The following KCTD5 variants were observed in gnomAD, a reference collection of about 807,000 sequenced individuals.
The protein encoded by KCTD5 is BTB/POZ domain-containing protein KCTD5.
In KCTD5, 12 loss-of-function variants were observed where a neutral mutation model predicts 27.9. The ratio of observed to expected loss-of-function variants is 0.43; its 90% CI spans 0.28 to 0.70. The LOEUF is 0.70. Ranked by LOEUF, KCTD5 falls within the 30% of genes least tolerant of loss-of-function variation. The pLI, the probability that KCTD5 is intolerant of heterozygous loss-of-function variation, is 0.19. For synonymous variants in KCTD5, 147 were observed against 121.4 expected, an observed-to-expected ratio of 1.21 and a Z score of -1.39; for missense variants, 226 against 274.8, an observed-to-expected ratio of 0.82 and a Z score of 1.26.
chr16:2,682,755 C>T lies in KCTD5; in HGVS notation c.207C>T (p.Phe69=), dbSNP rs1054059554. 14 of 1,607,626 alleles carry T rather than the reference C, an allele frequency of 8.7e-6. No individual in the cohort carries two copies. In the Admixed American group the frequency reaches 1.5e-4, roughly 17 times the overall value. The stretch of plus-strand genomic sequence containing the variant: ...CCCTGTGCCGGGACCCGAAATCCTT[C>T]CTGTACCGCTTATGCCAGGCCGATC... ...RQTLCRDPKS[F]LYRLCQADPD... Residue 69 remains phenylalanine, a synonymous_variant, in exon 1 of 6, where the codon TTC becomes TTT. Transcript: ENST00000301738.
intron 5 of KCTD5, 29 bp downstream of exon 5, chr16:2,702,507 G>GC: frequency 3.1e-6 from 5 of 1,609,516 alleles, no homozygotes; most frequent in Non-Finnish European, 3.4e-6. Context: ...CTGGCCTGGG[G>GC]CAGTCTTGGG....
rs1003568809 is a variant in KCTD5, at chr16:2,707,715, C to A, written c.*388C>A. The A allele has an allele frequency of 1.4e-5, 7 of 497,288 alleles. No individual in the cohort carries two copies. The highest frequency in any genetic ancestry group is 1.4e-4 in the African/African-American group (7 of 51,644). 30.8% of individuals were successfully genotyped at this position (497,288 alleles called of 1,614,324 possible). On this transcript the variant is annotated 3_prime_UTR_variant, in exon 6 of 6. Transcript: ENST00000301738. Reference sequence around the variant, plus strand: ...CCTGGGCTTCACTGGCAGGAAGCGGCCGCAGCCGCGTCAGTGTCCAGCACG... The same window carrying A: ...CCTGGGCTTCACTGGCAGGAAGCGGACGCAGCCGCGTCAGTGTCCAGCACG...
intron 1 of KCTD5, among the ~76,000 whole-genome samples, chr16:2,687,241 C>T (rs1409132230): frequency 5.3e-5 from 8 of 152,152 alleles, no homozygotes; most frequent in South Asian, 4.1e-4. Flanking sequence ...TGAAATGGAA[C>T]GTTTCTGATG....
chr16:2,702,167 C>T (rs112637150), intron 4 of KCTD5, among the ~76,000 whole-genome samples, 186 bp from the exon 5 acceptor site: 1,714 of 152,302 alleles, frequency 0.011, 49 homozygotes, highest in Admixed American at 0.075. Context: ...CATGCCACGG[C>T]GTGGGGTGCC....
intron 5 of KCTD5, among the ~76,000 whole-genome samples, chr16:2,702,736 C>G (rs941860382): frequency 5.3e-5 from 8 of 152,178 alleles, no homozygotes; most frequent in Non-Finnish European, 8.8e-5. Context: ...GGGCCATGCT[C>G]TTAGGAATGC....
chr16:2,696,722 G>T (rs1177903693), intron 2 of KCTD5, among the ~76,000 whole-genome samples: 1 of 152,236 alleles, frequency 6.6e-6, no homozygotes, highest in South Asian at 2.1e-4. Flanking sequence ...GTCTGACTCC[G>T]TTTCTGTTCT....
chr16:2,682,967 C>G, intron 1 of KCTD5, 167 bp downstream of exon 1: 1 of 790,520 alleles, frequency 1.3e-6, no homozygotes, highest in South Asian at 2.3e-5. Flanking sequence ...TGCCCCGATC[C>G]CCTACCCTGG....
At chr16:2,689,963 A>G (rs2067558113) in intron 1 of KCTD5, among the ~76,000 whole-genome samples, 1 of 152,242 alleles carries the variant, frequency 6.6e-6, no homozygotes, top group Admixed American at 6.5e-5. Flanking sequence ...GGCGTAAGCC[A>G]CTGTGCCCAG....
intron 1 of KCTD5, among the ~76,000 whole-genome samples, chr16:2,685,122 C>G (rs1211847066): frequency 6.6e-6 from 1 of 152,160 alleles, no homozygotes; most frequent in East Asian, 1.9e-4. Context: ...TCGTCTCTGT[C>G]TCATACAATA....
At chr16:2,700,058 C>T in intron 4 of KCTD5, 142 bp downstream of exon 4, 1 of 731,524 alleles carries the variant, frequency 1.4e-6, no homozygotes. Flanking sequence ...CGGCAGCGAC[C>T]TGTGCCCTGT....
intron 1 of KCTD5, among the ~76,000 whole-genome samples, chr16:2,690,822 C>T (rs2067563203): frequency 6.6e-6 from 1 of 152,276 alleles, no homozygotes; most frequent in Admixed American, 6.5e-5. Context: ...CCGAGGTGAC[C>T]TTGCTGCCTT....
chr16:2,706,601 T>C lies in KCTD5; in HGVS notation c.676-697T>C, dbSNP rs1025276975. Among the ~76,000 whole-genome samples the C allele has an allele frequency of 9.3e-5, 14 of 150,766 alleles. 1 individual carries two copies. The Middle Eastern group carries it at 0.017, about 184-fold the overall frequency. On this transcript the variant is annotated intron_variant, in intron 5 of 5. Transcript: ENST00000301738. ...CGACTTGGGGGTGGCCTCAGGGGGT[T>C]CCTGGACACTGGTGAGGGAAGTGGG...
intron 4 of KCTD5, among the ~76,000 whole-genome samples, chr16:2,701,343 G>C (rs1322365939): frequency 6.6e-6 from 1 of 152,190 alleles, no homozygotes; most frequent in East Asian, 1.9e-4. Context: ...CAGCTGTCCC[G>C]GCTGTGGGGT....
intron 5 of KCTD5, among the ~76,000 whole-genome samples, chr16:2,706,150 G>T (rs556768836): frequency 1.1e-4 from 16 of 152,318 alleles, no homozygotes; most frequent in African/African-American, 3.6e-4. Context: ...GTGGTCCAGG[G>T]CACTGAGCCT....
rs995123627 is a variant in KCTD5 at position 2,707,825 on chromosome 16, G to A, written c.*498G>A. 1 of 226,484 alleles carries A rather than the reference G, an allele frequency of 4.4e-6. No individual in the cohort carries two copies. The highest frequency in any genetic ancestry group is 8.6e-6 in the Non-Finnish European group (1 of 116,274). The allele number at this position is 226,484 out of a possible 1,614,324, so 14.0% of individuals were successfully genotyped here. ...CCAGGCGGGATCGCTGGTTTCTCTCGACCTCGCAGAGCTCCTGACAAAGGC... is the reference window on the plus strand; with the variant it reads ...CCAGGCGGGATCGCTGGTTTCTCTCAACCTCGCAGAGCTCCTGACAAAGGC... On this transcript the variant is annotated 3_prime_UTR_variant, in exon 6 of 6. Coordinates refer to ENST00000301738, the MANE Select transcript of KCTD5 (RefSeq NM_018992.4).
chr16:2,683,048 T>TG (rs1301291462), intron 1 of KCTD5: 1 of 465,678 alleles, frequency 2.1e-6, no homozygotes, highest in African/African-American at 2.1e-5. Context: ...ACCTTGGGGG[T>TG]GTCTCTTCCT....
intron 1 of KCTD5, among the ~76,000 whole-genome samples, chr16:2,691,796 G>C (rs2067567932): frequency 6.6e-6 from 1 of 152,200 alleles, no homozygotes; most frequent in Non-Finnish European, 1.5e-5. Flanking sequence ...GTCTTCCAGA[G>C]GCTGCTCCTT....
chr16:2,706,302 G>A (rs145895260), intron 5 of KCTD5, among the ~76,000 whole-genome samples: 375 of 152,300 alleles, frequency 2.5e-3, no homozygotes, highest in Non-Finnish European at 4.1e-3. Context: ...CCCTCTCTCC[G>A]GTCAGTGCGG....
rs531836026 is a variant in KCTD5, at chr16:2,686,582, A to G, written c.252+3782A>G. Among the ~76,000 whole-genome samples, 6 of 53,636 alleles carry G rather than the reference A, an allele frequency of 1.1e-4. No individual in the cohort carries two copies. In the Admixed American group the frequency reaches 1.3e-3, roughly 11 times the overall value. 35.2% of individuals were successfully genotyped at this position (53,636 alleles called of 152,430 possible). A position where few individuals can be genotyped will look rare whatever the true frequency, so the allele number is the denominator to read the frequency against. ...TGGTTGGAAACCACTCAGATGGAGGAGAATTTGGGGAGGCTTCGGTTCCTG... is the reference window on the plus strand; with the variant it reads ...TGGTTGGAAACCACTCAGATGGAGGGGAATTTGGGGAGGCTTCGGTTCCTG... On this transcript the variant is annotated intron_variant, in intron 1 of 5. Transcript: ENST00000301738.
Sources: gnomAD v4.1 joint callset for allele counts (sites outside exome capture counted in the v4.1 genomes callset) on GRCh38, gnomAD v4.1.1 for gene constraint, MANE v1.5 for transcripts, NCBI Gene and HGNC (gene_info 2026-07-23, HGNC 2026-07-21) for gene names.